COA4: variants seen among roughly 807,000 people sequenced by gnomAD.
COA4 encodes the protein cytochrome c oxidase assembly factor 4 homolog.
COA4 carries 8 observed loss-of-function variants against 7.3 expected under a neutral mutation model. The observed-to-expected ratio is 1.10, with a 90% CI of 0.64 to 1.98. The LOEUF is 1.98. Among genes scored for constraint, COA4 ranks in the 30% most tolerant of loss-of-function variants. The probability of loss-of-function intolerance (pLI) is 0.00; values close to 1 mark genes in which losing one functional copy is unlikely to be tolerated. For missense variants in COA4, 96 were observed against 111.2 expected, an observed-to-expected ratio of 0.86 and a Z score of 0.62; for synonymous variants, 42 against 44.3, an observed-to-expected ratio of 0.95 and a Z score of 0.21.
At chr11:73,876,709 C>T in intron 1 of COA4, 48 bp downstream of exon 1, 1 of 274,274 alleles carries the variant, frequency 3.6e-6, no homozygotes. Flanking sequence ...GATCGCAGCC[C>T]CGTTGTGCCC....
chr11:73,873,540 T>A, intron 1 of COA4, 146 bp from the exon 2 acceptor site: 2 of 649,492 alleles, frequency 3.1e-6, no homozygotes, highest in Non-Finnish European at 5.0e-6. Context: ...ATGCTTGTTT[T>A]TTTTTTTTTT....
intron 1 of COA4, among the ~76,000 whole-genome samples, chr11:73,874,871 A>G (rs1463763132): frequency 4.6e-5 from 7 of 152,060 alleles, no homozygotes; most frequent in Non-Finnish European, 8.8e-5. Context: ...CTGTAATCCC[A>G]GCTACTCGGG....
intron 1 of COA4, chr11:73,876,121 T>C (rs1191162727): frequency 7.8e-6 from 1 of 128,844 alleles, no homozygotes; most frequent in Non-Finnish European, 1.6e-5. Context: ...CGGGAGACCC[T>C]GTCTCAAAAA....
At chr11:73,875,506 C>T (rs906049799) in intron 1 of COA4, among the ~76,000 whole-genome samples, 37 of 152,054 alleles carry the variant, frequency 2.4e-4, no homozygotes, top group African/African-American at 8.7e-4. Context: ...TGGAGGGATG[C>T]CTAATCCAGA....
rs1948704439 is a variant in COA4, at chr11:73,873,004, T to C, written c.*111A>G. 1 of 1,406,732 alleles carries C rather than the reference T, an allele frequency of 7.1e-7. No individual in the cohort carries two copies. The highest frequency in any genetic ancestry group is 1.4e-5 in the South Asian group (1 of 71,212). The allele number at this position is 1,406,732 out of a possible 1,614,324, so 87.1% of individuals were successfully genotyped here. On this transcript the variant is annotated 3_prime_UTR_variant, in exon 2 of 2. Transcript: ENST00000355693. Reference sequence around the variant, plus strand: ...GGCTCTCAACTCCAGATCCAAAAACTCTCCCCATGTTTTAGACCTCCCACA... The same window carrying C: ...GGCTCTCAACTCCAGATCCAAAAACCCTCCCCATGTTTTAGACCTCCCACA...
In COA4 at chr11:73,876,796, C is replaced by G. The variant is rs1005659600; in HGVS notation, c.-56G>C. Reference sequence around the variant, plus strand: ...AAGAGGGCCCGAACGCACGCTCCTACGCGGCGGCTTGGGTTTCGCAGGCGG... The same window carrying G: ...AAGAGGGCCCGAACGCACGCTCCTAGGCGGCGGCTTGGGTTTCGCAGGCGG... On this transcript the variant is annotated 5_prime_UTR_variant, in exon 1 of 2. Transcript: ENST00000355693. 6 of 411,476 alleles carry G rather than the reference C, an allele frequency of 1.5e-5. No homozygotes were observed. Among genetic ancestry groups the G allele is most frequent in the Admixed American group, 4.5e-5 (1 of 22,216 alleles). 25.5% of individuals were successfully genotyped at this position (411,476 alleles called of 1,614,324 possible).
chr11:73,872,838 T>G lies in COA4; in HGVS notation c.*277A>C. The G allele has an allele frequency of 4.6e-6, 2 of 437,336 alleles. No individual in the cohort carries two copies. The highest frequency in any genetic ancestry group is 8.1e-6 in the Non-Finnish European group (2 of 246,316). 27.1% of individuals were successfully genotyped at this position (437,336 alleles called of 1,614,324 possible). ...TCATCTCAGTACTTGGCACACTGACTTAAGATGTGGGGTGGGGGAGCATCC... is the reference window on the plus strand; with the variant it reads ...TCATCTCAGTACTTGGCACACTGACGTAAGATGTGGGGTGGGGGAGCATCC... On this transcript the variant is annotated 3_prime_UTR_variant, in exon 2 of 2. Transcript: ENST00000355693.
rs1948754849 is a variant in COA4 at position 73,876,816 on chromosome 11, AG to A, written c.-77del. 4.5e-6 allele frequency: 2 copies of A among 447,118 alleles called. No homozygotes were observed. Among genetic ancestry groups the A allele is most frequent in the Admixed American group, 9.0e-5 (2 of 22,342 alleles). 27.7% of individuals were successfully genotyped at this position (447,118 alleles called of 1,614,324 possible). A position where few individuals can be genotyped will look rare whatever the true frequency, so the allele number is the denominator to read the frequency against. ...TCCTACGCGGCGGCTTGGGTTTCGC[AG>A]GCGGTTGGGGATCCTCTGTACATCC... On this transcript the variant is annotated 5_prime_UTR_variant, in exon 1 of 2. It removes the in-frame stop codon of an upstream open reading frame in the 5' UTR. Transcript: ENST00000355693.
Position 73,873,218 on chromosome 11 carries a change from C to G in COA4, c.161G>C (p.Cys54Ser). 1 of 1,614,214 alleles carries G rather than the reference C, an allele frequency of 6.2e-7. No homozygotes were observed. Among genetic ancestry groups the G allele is most frequent in the Non-Finnish European group, 8.5e-7 (1 of 1,180,046 alleles). Residue 54 changes from cysteine to serine, a missense_variant, in exon 2 of 2, where the codon TGC becomes TCC. Cys to Ser is a moderately radical substitution (Grantham distance 112). Transcript: ENST00000355693. ...CTTGAACGCCTGCACCTGTGGCTGG[C>G]ATTGCCGCCAGTCCTGGTGCTGGGC... ...CMAQHQDWRQ[C>S]QPQVQAFKDC...
chr11:73,873,925 A>G (rs1200840560), intron 1 of COA4, among the ~76,000 whole-genome samples: 3 of 152,232 alleles, frequency 2.0e-5, no homozygotes, highest in African/African-American at 7.2e-5. Context: ...AATGCTTGAC[A>G]TAACATTCAA....
At chr11:73,875,670 A>AT (rs1056225844) in intron 1 of COA4, 2 of 151,424 alleles carry the variant, frequency 1.3e-5, no homozygotes, top group African/African-American at 2.4e-5. Flanking sequence ...ATGAGAGCAA[A>AT]AAAAAAAAAA....
intron 1 of COA4, chr11:73,873,816 G>A (rs375890964): frequency 5.0e-5 from 9 of 179,484 alleles, no homozygotes; most frequent in South Asian, 3.1e-4. Context: ...AACTGTGCCC[G>A]GCTGATGTTC....
chr11:73,876,099 C>A (rs546413884), intron 1 of COA4: 1 of 149,250 alleles, frequency 6.7e-6, no homozygotes, highest in East Asian at 2.0e-4. Context: ...TGCATTCCAG[C>A]CTGGGTTACA....
intron 1 of COA4, among the ~76,000 whole-genome samples, chr11:73,875,142 A>T (rs1948727689): frequency 6.6e-6 from 1 of 152,216 alleles, no homozygotes. Flanking sequence ...AAACTATACA[A>T]AAATGTGAGG....
At position 73,873,170 on chromosome 11, in the gene COA4, G is replaced by A. The variant is rs143220644; in HGVS notation, c.209C>T (p.Ala70Val). 65 of 1,613,908 alleles carry A rather than the reference G, an allele frequency of 4.0e-5. 1 individual carries two copies. The African/African-American group carries it at 5.3e-4, about 13-fold the overall frequency. ...AFKDCMSEQQ[A>V]RRQEELQRRQ... ...CCTCTGCAGCTCCTCTTGCCGCCTC[G>A]CCTGCTGTTCACTCATGCAATCCTT... Residue 70 changes from alanine (A) to valine (V), a missense_variant, in exon 2 of 2, where the codon GCG becomes GTG. Transcript: ENST00000355693.
chr11:73,872,970 C>T lies in COA4; in HGVS notation c.*145G>A. On this transcript the variant is annotated 3_prime_UTR_variant, in exon 2 of 2. Transcript: ENST00000355693. ...GACAGCTGTTTGTGCCAGTCATGTC[C>T]AAACCCATGGCTCTCAACTCCAGAT... is the stretch of plus-strand genomic sequence containing the variant. 9.8e-7 allele frequency: 1 copy of T among 1,024,280 alleles called. No individual in the cohort carries two copies. The highest frequency in any genetic ancestry group is 1.6e-5 in the African/African-American group (1 of 62,178). The allele number at this position is 1,024,280 out of a possible 1,614,324, so 63.4% of individuals were successfully genotyped here. A position where few individuals can be genotyped will look rare whatever the true frequency, so the allele number is the denominator to read the frequency against.
intron 1 of COA4, 35 bp downstream of exon 1, chr11:73,876,721 CA>C (rs1948752181): frequency 3.4e-6 from 1 of 294,562 alleles, no homozygotes; most frequent in Admixed American, 5.2e-5. Flanking sequence ...GTTGTGCCCG[CA>C]ACGCCTCCTG....
rs1002165064 is a variant in COA4 at position 73,876,141 on chromosome 11, A to G, written c.-17+616T>C. 2.3e-4 allele frequency: 27 copies of G among 115,528 alleles called. No individual in the cohort carries two copies. The East Asian group carries it at 3.5e-3, about 15-fold the overall frequency. 7.2% of individuals were successfully genotyped at this position (115,528 alleles called of 1,614,324 possible). A position where few individuals can be genotyped will look rare whatever the true frequency, so the allele number is the denominator to read the frequency against. ...GACCCTGTCTCAAAAAAAAAAAAAA[A>G]GAAAAAAAAAAAGGTAAGGTTTGTA... On this transcript the variant is annotated intron_variant, in intron 1 of 1. Coordinates refer to ENST00000355693, the MANE Select transcript of COA4 (RefSeq NM_016565.3).
rs368538612 is a variant in COA4 at position 73,873,105 on chromosome 11, G to C, written c.*10C>G. 5.7e-6 allele frequency: 9 copies of C among 1,592,128 alleles called. No homozygotes were observed. The African/African-American group carries it at 1.1e-4, about 19-fold the overall frequency. On this transcript the variant is annotated 3_prime_UTR_variant, in exon 2 of 2. Transcript: ENST00000355693. ...CAGGGCCATCTACTGGGGATAGGTG[G>C]TTTGGGGTCTCAGTGGTGGGCACCG...
Sources: gnomAD v4.1 joint callset for allele counts (sites outside exome capture counted in the v4.1 genomes callset) on GRCh38, gnomAD v4.1.1 for gene constraint, MANE v1.5 for transcripts, NCBI Gene and HGNC (gene_info 2026-07-23, HGNC 2026-07-21) for gene names.